GPM6A: variants seen among roughly 807,000 people sequenced by gnomAD.
GPM6A encodes glycoprotein M6A.
In GPM6A, 7 loss-of-function variants were observed where a neutral mutation model predicts 32.1. The ratio of observed to expected loss-of-function variants is 0.22; its 90% CI spans 0.12 to 0.41. The LOEUF is 0.41. Ranked by LOEUF, GPM6A falls within the 10% of genes least tolerant of loss-of-function variation. GPM6A has a pLI of 1.00. For missense variants in GPM6A, 235 were observed against 347.2 expected (o/e 0.68, Z 2.57); for synonymous variants, 130 against 123.4 (o/e 1.05, Z -0.35).
intron 1 of GPM6A, among the ~76,000 whole-genome samples, chr4:175,756,659 G>A (rs1560916059): frequency 6.6e-6 from 1 of 152,068 alleles, no homozygotes; most frequent in African/African-American, 2.4e-5. Context: ...GCAGAATGAT[G>A]TGTAATCTAG....
At chr4:175,913,564 T>A (rs1032453346) in intron 1 of GPM6A, among the ~76,000 whole-genome samples, 1 of 152,220 alleles carries the variant, frequency 6.6e-6, no homozygotes, top group African/African-American at 2.4e-5. Context: ...CCTTACATCA[T>A]CAGCCCCATC....
chr4:175,709,525 C>G (rs1745410153), intron 1 of GPM6A, among the ~76,000 whole-genome samples: 1 of 151,964 alleles, frequency 6.6e-6, no homozygotes, highest in Non-Finnish European at 1.5e-5. Flanking sequence ...GTCAGGCGTT[C>G]CAGACCAGCC....
intron 1 of GPM6A, among the ~76,000 whole-genome samples, chr4:175,921,505 C>A (rs1346352321): frequency 1.7e-5 from 2 of 114,696 alleles, no homozygotes; most frequent in African/African-American, 2.5e-5. Context: ...AAATCATGGA[C>A]CATCATTCCC....
chr4:175,826,269 A>C (rs747924857), intron 1 of GPM6A, among the ~76,000 whole-genome samples: 31 of 151,938 alleles, frequency 2.0e-4, no homozygotes, highest in South Asian at 4.2e-4. Flanking sequence ...TACCTAATGC[A>C]GAAATTAATC....
At chr4:175,658,610 A>G (rs370660218) in intron 3 of GPM6A, among the ~76,000 whole-genome samples, 30 of 152,290 alleles carry the variant, frequency 2.0e-4, no homozygotes, top group Non-Finnish European at 3.5e-4. Context: ...AGATACATCA[A>G]TTGTAAATGT....
At chr4:175,991,013 C>T (rs993788693) in intron 1 of GPM6A, among the ~76,000 whole-genome samples, 1 of 151,728 alleles carries the variant, frequency 6.6e-6, no homozygotes, top group African/African-American at 2.4e-5. Flanking sequence ...TTCTTACATA[C>T]AATTAACAAA....
intron 1 of GPM6A, among the ~76,000 whole-genome samples, chr4:175,977,160 G>T (rs1020071956): frequency 5.9e-5 from 9 of 152,162 alleles, no homozygotes; most frequent in African/African-American, 2.2e-4. Flanking sequence ...TCTGAGACAA[G>T]AATTCATCAA....
At chr4:175,755,980 T>C (rs965901383) in intron 1 of GPM6A, among the ~76,000 whole-genome samples, 1 of 152,128 alleles carries the variant, frequency 6.6e-6, no homozygotes, top group African/African-American at 2.4e-5. Flanking sequence ...AAGCTTTGTA[T>C]TGAGCCTTGA....
chr4:175,696,836 T>G (rs1241390620), intron 2 of GPM6A, among the ~76,000 whole-genome samples: 1 of 152,194 alleles, frequency 6.6e-6, no homozygotes, highest in Non-Finnish European at 1.5e-5. Context: ...TCCTACTTCA[T>G]TAACTTCCAA....
chr4:175,797,097 G>C (rs972354892), intron 1 of GPM6A, among the ~76,000 whole-genome samples: 3 of 152,090 alleles, frequency 2.0e-5, no homozygotes, highest in African/African-American at 4.8e-5. Context: ...GAAGCTGCTA[G>C]TCATTTTAGT....
intron 1 of GPM6A, among the ~76,000 whole-genome samples, chr4:175,893,928 T>C (rs558314797): frequency 2.6e-5 from 4 of 152,264 alleles, no homozygotes; most frequent in East Asian, 1.9e-4. Flanking sequence ...AATATAATGA[T>C]CAACATTTGA....
intron 2 of GPM6A, among the ~76,000 whole-genome samples, chr4:175,682,624 G>T (rs994306172): frequency 1.3e-5 from 2 of 152,122 alleles, no homozygotes; most frequent in African/African-American, 4.8e-5. Context: ...ATCCTATGCA[G>T]CCTTGGGACA....
rs930257902 is a variant in GPM6A at position 175,804,116 on chromosome 4, A to G, written c.37+8075T>C. Among the ~76,000 whole-genome samples, 7 of 152,218 alleles carry G rather than the reference A, an allele frequency of 4.6e-5. No individual in the cohort carries two copies. In the East Asian group the frequency reaches 1.2e-3, roughly 25 times the overall value. On this transcript the variant is annotated intron_variant, in intron 1 of 6. Transcript: ENST00000393658. The stretch of plus-strand genomic sequence containing the variant: ...GGTTTTAAATTGACAAACCACATTC[A>G]GTGTCATATCTAAGAGTTCCATTGT...
chr4:175,827,811 T>A (rs1334884215), intron 1 of GPM6A, among the ~76,000 whole-genome samples: 5 of 152,188 alleles, frequency 3.3e-5, no homozygotes, highest in African/African-American at 9.6e-5. Flanking sequence ...ATCAGGGATT[T>A]AGTGAGGATC....
intron 1 of GPM6A, among the ~76,000 whole-genome samples, chr4:175,828,579 C>T (rs528975541): frequency 6.6e-6 from 1 of 152,198 alleles, no homozygotes; most frequent in East Asian, 1.9e-4. Flanking sequence ...TCCCCTAATG[C>T]AAAGAGTTTT....
intron 3 of GPM6A, among the ~76,000 whole-genome samples, chr4:175,652,211 T>A (rs1479847565): frequency 1.3e-5 from 2 of 152,132 alleles, no homozygotes; most frequent in Admixed American, 6.6e-5. Context: ...AGTTCTGATG[T>A]ACAAAGAAAA....
At chr4:175,998,401 C>G (rs879787668) in intron 1 of GPM6A, among the ~76,000 whole-genome samples, 1 of 152,172 alleles carries the variant, frequency 6.6e-6, no homozygotes, top group East Asian at 1.9e-4. Context: ...ATCCACCCAG[C>G]TCGTCCTGCC....
intron 2 of GPM6A, among the ~76,000 whole-genome samples, chr4:175,691,876 G>A (rs992477755): frequency 4.6e-5 from 7 of 152,186 alleles, no homozygotes; most frequent in Non-Finnish European, 1.0e-4. Flanking sequence ...GAGAGACAGG[G>A]TCAAGTTCAG....
chr4:175,649,809 T>C (rs951527097), intron 4 of GPM6A, among the ~76,000 whole-genome samples: 7 of 152,208 alleles, frequency 4.6e-5, no homozygotes, highest in Non-Finnish European at 2.9e-5. Context: ...CTATATCCCA[T>C]ACAATATTTG....
Sources: gnomAD v4.1 joint callset for allele counts (sites outside exome capture counted in the v4.1 genomes callset) on GRCh38, gnomAD v4.1.1 for gene constraint, MANE v1.5 for transcripts, NCBI Gene and HGNC (gene_info 2026-07-23, HGNC 2026-07-21) for gene names.